Variants in KCNIP4 observed in about 807,000 individuals in gnomAD.
KCNIP4 encodes the protein Kv channel-interacting protein 4.
Under a neutral mutation model 34.0 loss-of-function variants are expected in KCNIP4, and 12 were observed. The observed-to-expected ratio is 0.35, with a 90% confidence interval of 0.23 to 0.57. The LOEUF (loss-of-function observed/expected upper bound fraction) is 0.57, where lower values mean the gene tolerates loss of function less well. Among genes scored for constraint, KCNIP4 ranks in the 20% least tolerant of loss-of-function variants. The pLI is 0.83. For synonymous variants in KCNIP4, 124 were observed against 102.2 expected (o/e 1.21, Z -1.29); for missense variants, 238 against 311.7 (o/e 0.76, Z 1.78).
rs149687989 is a variant in KCNIP4, at chr4:20,899,604, G to A, written c.62-16895C>T. ...ACATTTTGTATGCAATTTTGAAATA[G>A]GACCCTATAAATAATCAAGTCTTAC... On this transcript the variant is annotated intron_variant, in intron 1 of 8. Coordinates refer to ENST00000382152, the MANE Select transcript of KCNIP4 (RefSeq NM_025221.6). 6.2e-3 allele frequency among the ~76,000 whole-genome samples: 950 copies of A among 152,190 alleles called. 6 individuals are homozygous for A. Among genetic ancestry groups the A allele is most frequent in the African/African-American group, 0.021 (880 of 41,524 alleles).
intron 1 of KCNIP4, among the ~76,000 whole-genome samples, chr4:21,419,337 G>A (rs537603892): frequency 6.6e-6 from 1 of 152,148 alleles, no homozygotes; most frequent in African/African-American, 2.4e-5. Flanking sequence ...TTCATTATGT[G>A]ATATATACAC....
chr4:21,935,962 TTA>T (rs55704216), intron 1 of KCNIP4, among the ~76,000 whole-genome samples: 1,863 of 147,966 alleles, frequency 0.013, 38 homozygotes, highest in African/African-American at 0.042. Context: ...GAAATGAAGA[TTA>T]TATATATATA....
chr4:21,124,609 T>A (rs1750452740), intron 1 of KCNIP4, among the ~76,000 whole-genome samples: 3 of 152,138 alleles, frequency 2.0e-5, no homozygotes, highest in Non-Finnish European at 2.9e-5. Context: ...GCTCTCCACA[T>A]TATCCCCATA....
At chr4:20,990,660 T>C (rs895632083) in intron 1 of KCNIP4, among the ~76,000 whole-genome samples, 4 of 152,232 alleles carry the variant, frequency 2.6e-5, no homozygotes, top group African/African-American at 9.6e-5. Context: ...TGCATTAGAA[T>C]ATAAGCTTTC....
At chr4:21,664,347 A>G (rs1047560145) in intron 1 of KCNIP4, among the ~76,000 whole-genome samples, 1 of 151,814 alleles carries the variant, frequency 6.6e-6, no homozygotes, top group Admixed American at 6.6e-5. Context: ...CAGTAGATAG[A>G]CCTGTCAAAC....
At chr4:21,857,217 A>T (rs28780430) in intron 1 of KCNIP4, among the ~76,000 whole-genome samples, 11,074 of 152,066 alleles carry the variant, frequency 0.073, 1,369 homozygotes, top group African/African-American at 0.25. Context: ...GTCCATACAA[A>T]CCCCAGAACT....
At chr4:21,243,761 TTGTC>T (rs1760012004) in intron 1 of KCNIP4, among the ~76,000 whole-genome samples, 1 of 152,310 alleles carries the variant, frequency 6.6e-6, no homozygotes, top group South Asian at 2.1e-4. Context: ...TATCTCTTGA[TTGTC>T]TGAGCATAAT....
At chr4:21,513,014 G>A (rs553464147) in intron 1 of KCNIP4, among the ~76,000 whole-genome samples, 1 of 152,252 alleles carries the variant, frequency 6.6e-6, no homozygotes, top group Admixed American at 6.5e-5. Flanking sequence ...GGAGTAAGCG[G>A]AAGATAAATG....
At chr4:21,356,378 T>C (rs1374513268) in intron 1 of KCNIP4, among the ~76,000 whole-genome samples, 1 of 152,148 alleles carries the variant, frequency 6.6e-6, no homozygotes, top group Non-Finnish European at 1.5e-5. Flanking sequence ...AGTCAAATTG[T>C]CCCTGTTTGC....
At position 21,586,616 on chromosome 4, in the gene KCNIP4, T is replaced by C. The variant is rs1010263633; in HGVS notation, c.61+361955A>G. 3.3e-5 allele frequency among the ~76,000 whole-genome samples: 5 copies of C among 152,056 alleles called. No homozygotes were observed. The East Asian group carries it at 7.7e-4, about 23-fold the overall frequency. ...TTTAAGATCTTCCCTTTGATACTAATCAATTTATTGAAGACTCTTGACAAA... is the reference window on the plus strand; with the variant it reads ...TTTAAGATCTTCCCTTTGATACTAACCAATTTATTGAAGACTCTTGACAAA... On this transcript the variant is annotated intron_variant, in intron 1 of 8. Transcript: ENST00000382152.
chr4:21,842,625 A>G (rs1723754824), intron 1 of KCNIP4, among the ~76,000 whole-genome samples: 2 of 152,102 alleles, frequency 1.3e-5, no homozygotes, highest in Admixed American at 1.3e-4. Context: ...CTATGGAGAT[A>G]CTTTTGCTTT....
At chr4:21,615,627 T>A (rs2109159816) in intron 1 of KCNIP4, among the ~76,000 whole-genome samples, 1 of 151,972 alleles carries the variant, frequency 6.6e-6, no homozygotes, top group East Asian at 1.9e-4. Flanking sequence ...AGACAAAACC[T>A]GAAAACAAAG....
chr4:21,088,920 A>G (rs1040949882), intron 1 of KCNIP4, among the ~76,000 whole-genome samples: 1 of 152,212 alleles, frequency 6.6e-6, no homozygotes, highest in Non-Finnish European at 1.5e-5. Flanking sequence ...CACTGTATAT[A>G]CAATACCCCA....
At chr4:21,916,939 C>G (rs1180010739) in intron 1 of KCNIP4, among the ~76,000 whole-genome samples, 1 of 152,156 alleles carries the variant, frequency 6.6e-6, no homozygotes, top group Non-Finnish European at 1.5e-5. Flanking sequence ...TCCATCCTCT[C>G]CTCCTGCACC....
chr4:20,887,516 T>C (rs1020044914), intron 1 of KCNIP4, among the ~76,000 whole-genome samples: 2 of 151,928 alleles, frequency 1.3e-5, no homozygotes, highest in African/African-American at 4.8e-5. Context: ...AAAGGACCCG[T>C]ACATACAAGG....
chr4:21,694,914 CAA>C (rs368053041), intron 1 of KCNIP4, among the ~76,000 whole-genome samples: 2 of 46,504 alleles, frequency 4.3e-5, no homozygotes, highest in Admixed American at 1.9e-4. Context: ...CACGATTGAC[CAA>C]AAAAAAAAAA....
intron 1 of KCNIP4, among the ~76,000 whole-genome samples, chr4:21,440,306 C>A (rs1727347921): frequency 6.6e-6 from 1 of 152,188 alleles, no homozygotes; most frequent in Admixed American, 6.5e-5. Flanking sequence ...GAATAACCTT[C>A]TCTTAGGTAA....
At chr4:21,053,855 T>G (rs1455726529) in intron 1 of KCNIP4, among the ~76,000 whole-genome samples, 1 of 152,190 alleles carries the variant, frequency 6.6e-6, no homozygotes, top group Non-Finnish European at 1.5e-5. Context: ...ATGAACAAAA[T>G]CAAAGAAGAC....
intron 3 of KCNIP4, among the ~76,000 whole-genome samples, chr4:20,809,258 A>T (rs892359778): frequency 6.6e-6 from 1 of 152,198 alleles, no homozygotes; most frequent in Non-Finnish European, 1.5e-5. Flanking sequence ...TTAAAGAAGA[A>T]ATGCAAGAAC....
Sources: gnomAD v4.1 joint callset for allele counts (sites outside exome capture counted in the v4.1 genomes callset) on GRCh38, gnomAD v4.1.1 for gene constraint, MANE v1.5 for transcripts, NCBI Gene and HGNC (gene_info 2026-07-23, HGNC 2026-07-21) for gene names.